Variants in PTGR2 observed in about 807,000 individuals in gnomAD.
The protein encoded by PTGR2 is 15-oxoprostaglandin 13-reductase.
In PTGR2, 32 loss-of-function variants were observed where a neutral mutation model predicts 43.4. The observed-to-expected ratio is 0.74, with a 90% CI of 0.56 to 0.99. The LOEUF (loss-of-function observed/expected upper bound fraction) is 0.99, where lower values mean the gene tolerates loss of function less well. PTGR2 is among the 50% of genes least tolerant of loss of function. PTGR2 has a pLI of 0.00. For synonymous variants in PTGR2, 106 were observed against 139.2 expected, an observed-to-expected ratio of 0.76 and a Z score of 1.68; for missense variants, 373 against 420.0, an observed-to-expected ratio of 0.89 and a Z score of 0.98.
chr14:73,852,719 G>T (rs574149947), intron 1 of PTGR2, among the ~76,000 whole-genome samples: 1 of 152,310 alleles, frequency 6.6e-6, no homozygotes, highest in South Asian at 2.1e-4. Flanking sequence ...AGAAAGGGAA[G>T]AGCAAGATAG....
chr14:73,858,796 A>T lies in PTGR2; in HGVS notation c.-47-20A>T. On this transcript the variant is annotated intron_variant, in intron 1 of 9. Coordinates refer to ENST00000555661, the MANE Select transcript of PTGR2 (RefSeq NM_001146154.2). Reference sequence around the variant, plus strand: ...TTGAATACTTCAAATCTTGTGATTTAAAAATTTTTTTATTTATAGGAGTAT... The same window carrying T: ...TTGAATACTTCAAATCTTGTGATTTTAAAATTTTTTTATTTATAGGAGTAT... The T allele has an allele frequency of 2.3e-6, 3 of 1,277,252 alleles. No individual in the cohort carries two copies. The highest frequency in any genetic ancestry group is 3.3e-6 in the Non-Finnish European group (3 of 913,304). The allele number at this position is 1,277,252 out of a possible 1,614,324, so 79.1% of individuals were successfully genotyped here.
In PTGR2 at chr14:73,880,039, AT is replaced by A; in HGVS notation, c.730-11del. ...CATAGGAAAGGGATATTTTATCATT[AT>A]TTTTCTCTGTGCAGATGAATGAGAA... On this transcript the variant is annotated splice_polypyrimidine_tract_variant and intron_variant, in intron 6 of 9. Transcript: ENST00000555661. 1 of 1,612,776 alleles carries A rather than the reference AT, an allele frequency of 6.2e-7. No individual in the cohort carries two copies. Among genetic ancestry groups the A allele is most frequent in the Non-Finnish European group, 8.5e-7 (1 of 1,179,010 alleles).
chr14:73,871,967 C>T (rs2140259853), intron 3 of PTGR2, among the ~76,000 whole-genome samples: 1 of 152,280 alleles, frequency 6.6e-6, no homozygotes, highest in East Asian at 1.9e-4. Flanking sequence ...ACAGAAGCTT[C>T]TGCATCAGTT....
chr14:73,865,811 T>C (rs1165462872), intron 3 of PTGR2, among the ~76,000 whole-genome samples: 2 of 152,110 alleles, frequency 1.3e-5, no homozygotes, highest in Admixed American at 6.6e-5. Context: ...GTTGAAAAGA[T>C]AATTCTTTCC....
intron 5 of PTGR2, 175 bp from the exon 6 acceptor site, chr14:73,878,921 G>T: frequency 1.7e-6 from 1 of 575,910 alleles, no homozygotes; most frequent in Non-Finnish European, 3.0e-6. Flanking sequence ...TTTTTAGGAT[G>T]ACATTGTCTG....
At chr14:73,853,301 TTC>T (rs2054272890) in intron 1 of PTGR2, among the ~76,000 whole-genome samples, 1 of 151,896 alleles carries the variant, frequency 6.6e-6, no homozygotes, top group Non-Finnish European at 1.5e-5. Flanking sequence ...ATTATTCTCT[TTC>T]TGTACCTCTT....
intron 3 of PTGR2, among the ~76,000 whole-genome samples, chr14:73,865,307 G>C (rs1175676958): frequency 6.6e-6 from 1 of 152,144 alleles, no homozygotes; most frequent in African/African-American, 2.4e-5. Flanking sequence ...TGAAGAACCT[G>C]GAGTTCTTAT....
At chr14:73,860,503 C>T in intron 2 of PTGR2, 36 bp from the exon 3 acceptor site, 2 of 1,101,288 alleles carry the variant, frequency 1.8e-6, no homozygotes, top group Non-Finnish European at 2.7e-6. Flanking sequence ...AGCAAAGTGG[C>T]TTTTTTTAAC....
intron 5 of PTGR2, chr14:73,877,420 A>C (rs953456301): frequency 7.9e-6 from 2 of 253,158 alleles, no homozygotes; most frequent in African/African-American, 4.5e-5. Flanking sequence ...GTGTGCCACC[A>C]CACCTGGCTA....
At position 73,884,785 on chromosome 14, in the gene PTGR2, G is replaced by C. The variant is rs8007148; in HGVS notation, c.*608G>C. The C allele has an allele frequency of 0.34, 51,082 of 152,020 alleles. 9,685 individuals carry two copies. Among genetic ancestry groups the C allele is most frequent in the Non-Finnish European group, 0.42 (28,683 of 67,982 alleles). The allele number at this position is 152,020 out of a possible 1,614,324, so 9.4% of individuals were successfully genotyped here. On this transcript the variant is annotated 3_prime_UTR_variant, in exon 10 of 10. Transcript: ENST00000555661. ...GACCAGCGGTTTTGGGTTGGGATTA[G>C]TATGGGAAGATAAATAACTTAGGTT...
chr14:73,879,470 T>G (rs540404216), intron 6 of PTGR2, 165 bp downstream of exon 6: 16 of 564,876 alleles, frequency 2.8e-5, no homozygotes, highest in African/African-American at 2.5e-4. Context: ...TGCTGATACC[T>G]ACTTCCATTT....
Position 73,880,066 on chromosome 14 carries a change from C to G in PTGR2, c.741C>G (p.Asn247Lys). 6.2e-7 allele frequency: 1 copy of G among 1,613,418 alleles called. No individual in the cohort carries two copies. Among genetic ancestry groups the G allele is most frequent in the Non-Finnish European group, 8.5e-7 (1 of 1,179,512 alleles). Residue 247 changes from asparagine (N) to lysine (K), a missense_variant, in exon 7 of 10, where the codon AAC (asparagine) becomes AAG (lysine). By Grantham distance (94) the Asn-to-Lys change is moderately conservative. Coordinates refer to ENST00000555661, the MANE Select transcript of PTGR2 (RefSeq NM_001146154.2). ...SDTVISQMNE[N>K]SHIILCGQIS... ...TTTTCTCTGTGCAGATGAATGAGAA[C>G]AGCCACATCATCCTGTGTGGTCAAA...
chr14:73,882,496 T>C, intron 9 of PTGR2, 58 bp downstream of exon 9: 1 of 1,119,596 alleles, frequency 8.9e-7, no homozygotes, highest in Admixed American at 2.1e-5. Flanking sequence ...ATAAAGTCTC[T>C]TTATTTTTAT....
intron 4 of PTGR2, chr14:73,874,534 A>AT (rs1566640270): frequency 2.1e-6 from 1 of 476,644 alleles, no homozygotes; most frequent in Non-Finnish European, 4.2e-6. Flanking sequence ...GAGGGACCAG[A>AT]TGGTTGAAGG....
At chr14:73,856,311 T>C (rs1055806270) in intron 1 of PTGR2, among the ~76,000 whole-genome samples, 2 of 152,000 alleles carry the variant, frequency 1.3e-5, no homozygotes, top group African/African-American at 4.8e-5. Context: ...AGTGGCGCAA[T>C]CTTGGCTCAC....
In PTGR2 at chr14:73,879,179, C is replaced by G. The variant is rs772019738; in HGVS notation, c.603C>G (p.Gly201=). The change falls in exon 6 of 10, where the codon GGC becomes GGG. Residue 201 remains glycine, a synonymous_variant. Transcript: ENST00000555661. ...GCATCCTCTTGACCTCAGAACTGGG[C>G]TTTGATGCTGCAATTAATTATAAAA... The part of the protein sequence containing the change: ...EKCILLTSEL[G]FDAAINYKKD... 7.4e-6 allele frequency: 12 copies of G among 1,613,824 alleles called. No homozygotes were observed. The highest frequency in any genetic ancestry group is 9.3e-6 in the Non-Finnish European group (11 of 1,179,980).
rs557721195 is a variant in PTGR2 at position 73,872,986 on chromosome 14, A to T, written c.157-1037A>T. Among the ~76,000 whole-genome samples, 194 of 147,612 alleles carry T rather than the reference A, an allele frequency of 1.3e-3. 3 individuals carry two copies. The highest frequency in any genetic ancestry group is 5.9e-3 in the Admixed American group (88 of 14,800). On this transcript the variant is annotated intron_variant, in intron 3 of 9. Coordinates refer to ENST00000555661, the MANE Select transcript of PTGR2 (RefSeq NM_001146154.2). ...AGACTCCATCTCAAAAAAAAAAAAA[A>T]TTTTTTTTATGGTGTACAACATGAT...
intron 1 of PTGR2, among the ~76,000 whole-genome samples, chr14:73,853,635 TA>T (rs1165969937): frequency 6.6e-6 from 1 of 152,154 alleles, no homozygotes; most frequent in Admixed American, 6.6e-5. Context: ...TTTTCTCATC[TA>T]TAAAATTGAG....
At chr14:73,865,267 G>A (rs574424377) in intron 3 of PTGR2, among the ~76,000 whole-genome samples, 120 of 152,298 alleles carry the variant, frequency 7.9e-4, no homozygotes, top group Non-Finnish European at 1.2e-3. Flanking sequence ...AGCCCAGGAA[G>A]CCATGGGTGC....
Sources: allele counts gnomAD v4.1 joint callset (sites outside exome capture counted in the v4.1 genomes callset), GRCh38; gene constraint gnomAD v4.1.1; transcripts MANE v1.5; gene names NCBI Gene and HGNC (gene_info 2026-07-23, HGNC 2026-07-21).